Variants in FMN1 observed in about 807,000 individuals in gnomAD.
FMN1 encodes the protein formin-1.
In FMN1, 110 loss-of-function variants were observed where a neutral mutation model predicts 132.4. The observed-to-expected ratio is 0.83, with a 90% CI of 0.71 to 0.97. FMN1 has a LOEUF of 0.97. Among genes scored for constraint, FMN1 ranks in the 50% least tolerant of loss-of-function variants. The pLI is 0.00. For synonymous variants in FMN1, 722 were observed against 651.7 expected (o/e 1.11, Z -1.64); for missense variants, 1,792 against 1,705.3 (o/e 1.05, Z -0.90).
At chr15:32,947,847 A>AT (rs1439929945) in intron 9 of FMN1, among the ~76,000 whole-genome samples, 1 of 151,964 alleles carries the variant, frequency 6.6e-6, no homozygotes, top group Non-Finnish European at 1.5e-5. Context: ...GGTTTACTCT[A>AT]TTCTCTCATT....
chr15:32,934,921 C>CT (rs2061223528), intron 9 of FMN1, among the ~76,000 whole-genome samples: 2 of 146,674 alleles, frequency 1.4e-5, no homozygotes, highest in South Asian at 4.3e-4. Context: ...GACAATTTTT[C>CT]TTTTTCTTTT....
chr15:32,792,094 A>T (rs538016630), intron 19 of FMN1, among the ~76,000 whole-genome samples: 2 of 152,154 alleles, frequency 1.3e-5, no homozygotes, highest in East Asian at 1.9e-4. Flanking sequence ...GAAGAAGGGG[A>T]GTAGTCACCT....
chr15:33,101,339 AC>A (rs2039286293), intron 4 of FMN1, among the ~76,000 whole-genome samples: 1 of 152,098 alleles, frequency 6.6e-6, no homozygotes, highest in South Asian at 2.1e-4. Context: ...AACTATACTT[AC>A]CTACATAATC....
rs1410055276 is a variant in FMN1 at position 33,154,685 on chromosome 15, T to G, written c.230A>C (p.Gln77Pro). ...AGTTAGAATGTCTTTCGTGGGAGTC[T>G]GCTTGAAAAATATGTCGCCTGGATG... ...DEHPGDIFFK[Q>P]TPTKDILTEL... Residue 77 changes from glutamine (Q) to proline (P), a missense_variant, in exon 4 of 21, where the codon CAG becomes CCG. Gln to Pro is a moderately conservative substitution (Grantham distance 76). Coordinates refer to ENST00000616417, the MANE Select transcript of FMN1 (RefSeq NM_001277313.2). The G allele has an allele frequency of 2.0e-6, 3 of 1,536,122 alleles. No homozygotes were observed. The highest frequency in any genetic ancestry group is 2.6e-6 in the Non-Finnish European group (3 of 1,146,900).
intron 15 of FMN1, among the ~76,000 whole-genome samples, chr15:32,889,271 C>T (rs2059968390): frequency 6.6e-6 from 1 of 152,218 alleles, no homozygotes; most frequent in Admixed American, 6.5e-5. Flanking sequence ...AAGCTTCAGG[C>T]ACATGAGCCT....
At position 33,153,736 on chromosome 15, in the gene FMN1, A is replaced by C. The variant is rs369715846; in HGVS notation, c.1179T>G (p.Asp393Glu). Residue 393 changes from aspartate (D) to glutamate (E), a missense_variant, in exon 4 of 21, where the codon GAT (aspartate) becomes GAG (glutamate). Asp to Glu is a conservative substitution (Grantham distance 45). Coordinates refer to ENST00000616417, the MANE Select transcript of FMN1 (RefSeq NM_001277313.2). ...CCCCGGCTGGCGACTGCGATGACCT[A>C]TCCCCTTGCCGCTCCTTGCCCTGCC... ...SRRQGKERQG[D>E]RSSQSPAGET... 5.0e-4 allele frequency: 766 copies of C among 1,536,130 alleles called. 4 individuals are homozygous for C. The African/African-American group carries it at 9.3e-3, about 19-fold the overall frequency.
chr15:32,932,108 T>C (rs367842711), intron 9 of FMN1, among the ~76,000 whole-genome samples: 231 of 152,340 alleles, frequency 1.5e-3, no homozygotes, highest in African/African-American at 5.3e-3. Context: ...TATTAAATTA[T>C]GTTTACTGGG....
At chr15:32,899,830 A>G in intron 14 of FMN1, 149 bp downstream of exon 14, 1 of 817,994 alleles carries the variant, frequency 1.2e-6, no homozygotes, top group Non-Finnish European at 1.9e-6. Context: ...AGTGAAAAGA[A>G]AGCAAACAAA....
At chr15:32,905,003 G>A (rs1016903659) in intron 12 of FMN1, among the ~76,000 whole-genome samples, 9 of 152,180 alleles carry the variant, frequency 5.9e-5, no homozygotes, top group Admixed American at 1.3e-4. Context: ...TTCCTTTTGG[G>A]CTAGTCTAAC....
intron 6 of FMN1, among the ~76,000 whole-genome samples, chr15:33,054,292 C>A (rs1446601270): frequency 6.6e-6 from 1 of 152,152 alleles, no homozygotes; most frequent in Non-Finnish European, 1.5e-5. Flanking sequence ...ATATACATTT[C>A]TGCTTACACT....
At chr15:33,031,214 A>G (rs1181433779) in intron 6 of FMN1, among the ~76,000 whole-genome samples, 3 of 152,314 alleles carry the variant, frequency 2.0e-5, no homozygotes, top group African/African-American at 7.2e-5. Context: ...ATATACTCTT[A>G]ATGTCCACAG....
intron 6 of FMN1, among the ~76,000 whole-genome samples, chr15:33,043,741 G>A (rs1334203502): frequency 6.6e-6 from 1 of 152,228 alleles, no homozygotes; most frequent in Admixed American, 6.5e-5. Context: ...AGGGCTACAT[G>A]CTCCATGCAG....
In FMN1 at chr15:33,120,414, G is replaced by A. The variant is rs143039309; in HGVS notation, c.1868-31440C>T. Reference sequence around the variant, plus strand: ...GCCCATAGTGTTTACAGAGTGGTTAGCTACTGCACTTTTCCTACACACCGG... The same window carrying A: ...GCCCATAGTGTTTACAGAGTGGTTAACTACTGCACTTTTCCTACACACCGG... On this transcript the variant is annotated intron_variant, in intron 4 of 20. Coordinates refer to ENST00000616417, the MANE Select transcript of FMN1 (RefSeq NM_001277313.2). Among the ~76,000 whole-genome samples, 252 of 152,238 alleles carry A rather than the reference G, an allele frequency of 1.7e-3. 2 individuals carry two copies. Among genetic ancestry groups the A allele is most frequent in the Non-Finnish European group, 3.0e-3 (204 of 68,022 alleles).
chr15:33,179,539 C>T (rs150862607), intron 3 of FMN1, among the ~76,000 whole-genome samples: 26 of 152,170 alleles, frequency 1.7e-4, no homozygotes, highest in Non-Finnish European at 3.4e-4. Flanking sequence ...CTACGGCCAC[C>T]GTCACTGTTG....
At position 32,767,101 on chromosome 15, in the gene FMN1, C is replaced by T. The variant is rs2056074116; in HGVS notation, c.*7209G>A. ...GCCTAATACAGATGCCTTGAATTTC[C>T]ACGGAAAAGCTGTCCACGATACGAC... is the stretch of plus-strand genomic sequence containing the variant. On this transcript the variant is annotated 3_prime_UTR_variant, in exon 21 of 21. Transcript: ENST00000616417. 6.6e-6 allele frequency: 1 copy of T among 152,192 alleles called. No individual in the cohort carries two copies. Among genetic ancestry groups the T allele is most frequent in the Admixed American group, 6.5e-5 (1 of 15,274 alleles). 9.4% of individuals were successfully genotyped at this position (152,192 alleles called of 1,614,324 possible).
chr15:32,886,927 C>T (rs111422763), intron 16 of FMN1, among the ~76,000 whole-genome samples: 1 of 152,166 alleles, frequency 6.6e-6, no homozygotes, highest in African/African-American at 2.4e-5. Flanking sequence ...AAATAACGAC[C>T]GCAAGTTCAC....
intron 4 of FMN1, among the ~76,000 whole-genome samples, chr15:33,112,578 T>C (rs1440135894): frequency 6.6e-6 from 1 of 152,074 alleles, no homozygotes; most frequent in Non-Finnish European, 1.5e-5. Context: ...TTAACCCCTA[T>C]CATAAAAACA....
In FMN1 at chr15:32,968,855, G is replaced by T. The variant is rs200674691; in HGVS notation, c.2846C>A (p.Pro949Gln). ...AGGGGGAGGTGGGGGTGCAAGTCCT[G>T]GGGGTGGTGGAGCAGGAGGAGGCCC... is the stretch of plus-strand genomic sequence containing the variant. ...PGGPPPAPPP[P>Q]GLAPPPPPGL... The change falls in exon 8 of 21, where the codon CCA becomes CAA. Residue 949 changes from proline to glutamine, a missense_variant. Pro to Gln is a moderately conservative substitution (Grantham distance 76). Coordinates refer to ENST00000616417, the MANE Select transcript of FMN1 (RefSeq NM_001277313.2). 4.1e-5 allele frequency: 63 copies of T among 1,537,370 alleles called. No homozygotes were observed. The highest frequency in any genetic ancestry group is 3.7e-4 in the Middle Eastern group (2 of 5,398).
intron 5 of FMN1, among the ~76,000 whole-genome samples, chr15:33,084,920 G>A (rs1027288402): frequency 1.3e-5 from 2 of 152,132 alleles, no homozygotes; most frequent in African/African-American, 4.8e-5. Flanking sequence ...TGTAGCCACA[G>A]AAAAAGGCTT....
Sources: gnomAD v4.1 joint callset for allele counts (sites outside exome capture counted in the v4.1 genomes callset) on GRCh38, gnomAD v4.1.1 for gene constraint, MANE v1.5 for transcripts, NCBI Gene and HGNC (gene_info 2026-07-23, HGNC 2026-07-21) for gene names.